DNAH17: variants seen among roughly 807,000 people sequenced by gnomAD.
DNAH17 encodes axonemal beta dynein heavy chain 17.
A neutral mutation model predicts 485.6 loss-of-function variants in DNAH17; 376 were observed. The ratio of observed to expected loss-of-function variants is 0.77; its 90% CI spans 0.71 to 0.84. The LOEUF is 0.84. Among genes scored for constraint, DNAH17 ranks in the 40% least tolerant of loss-of-function variants. DNAH17 has a pLI of 0.00. For missense variants in DNAH17, 6,370 were observed against 5,839.3 expected, an observed-to-expected ratio of 1.09 and a Z score of -2.96; for synonymous variants, 3,031 against 2,405.9, an observed-to-expected ratio of 1.26 and a Z score of -7.60.
At chr17:78,497,574 CTG>C (rs2090119834) in intron 37 of DNAH17, among the ~76,000 whole-genome samples, 1 of 152,260 alleles carries the variant, frequency 6.6e-6, no homozygotes. Flanking sequence ...AGCTCTGCTC[CTG>C]TGCTGGGGGC....
chr17:78,478,011 TCATCACCATCAC>T (rs1217301244), intron 51 of DNAH17, among the ~76,000 whole-genome samples: 3 of 84,102 alleles, frequency 3.6e-5, no homozygotes, highest in African/African-American at 1.9e-4. Context: ...ATCATCACCA[TCATCACCATCAC>T]CACCACCATC....
chr17:78,568,703 G>C (rs181406865), intron 9 of DNAH17, among the ~76,000 whole-genome samples: 1 of 152,044 alleles, frequency 6.6e-6, no homozygotes, highest in Non-Finnish European at 1.5e-5. Context: ...CTCCCTCCTC[G>C]GCCTGCCAGA....
At chr17:78,452,719 C>A (rs898515090) in intron 65 of DNAH17, among the ~76,000 whole-genome samples, 2 of 152,202 alleles carry the variant, frequency 1.3e-5, no homozygotes, top group African/African-American at 4.8e-5. Flanking sequence ...GCCTGGACGA[C>A]AGAGCGAGAC....
intron 27 of DNAH17, 57 bp downstream of exon 27, chr17:78,510,327 G>A: frequency 8.8e-6 from 14 of 1,590,494 alleles, no homozygotes; most frequent in Non-Finnish European, 1.2e-5. Flanking sequence ...AGTGGTTGGA[G>A]GGGGCAGTTT....
intron 55 of DNAH17, among the ~76,000 whole-genome samples, chr17:78,467,154 G>A (rs541081155): frequency 1.3e-5 from 2 of 152,356 alleles, no homozygotes; most frequent in Admixed American, 6.5e-5. Flanking sequence ...AAGCCCTTCG[G>A]TTCAGCAGGA....
chr17:78,485,928 C>T (rs766432589), intron 46 of DNAH17, 32 bp downstream of exon 46: 2 of 1,604,388 alleles, frequency 1.2e-6, no homozygotes, highest in African/African-American at 1.3e-5. Context: ...CTCTAAATCA[C>T]CAGTCGGTGG....
At chr17:78,439,354 C>A in intron 72 of DNAH17, 137 bp from the exon 73 acceptor site, 5 of 1,071,426 alleles carry the variant, frequency 4.7e-6, no homozygotes, top group Non-Finnish European at 5.2e-6. Context: ...ATAAAACTTG[C>A]TGTTTTAAAA....
rs535468799 is a variant in DNAH17 at position 78,568,796 on chromosome 17, T to C, written c.1284+370A>G. Among the ~76,000 whole-genome samples, 44 of 152,336 alleles carry C rather than the reference T, an allele frequency of 2.9e-4. 1 individual carries two copies. The highest frequency in any genetic ancestry group is 1.0e-3 in the African/African-American group (43 of 41,576). On this transcript the variant is annotated intron_variant, in intron 9 of 80. Coordinates refer to ENST00000389840, the MANE Select transcript of DNAH17 (RefSeq NM_173628.4). Reference sequence around the variant, plus strand: ...TATCTGCTGTGCGTCACTCCGTGTATCCACATGGTGCTTGCACGGGGGCCT... The same window carrying C: ...TATCTGCTGTGCGTCACTCCGTGTACCCACATGGTGCTTGCACGGGGGCCT...
intron 17 of DNAH17, among the ~76,000 whole-genome samples, chr17:78,540,309 A>C (rs897720195): frequency 7.6e-6 from 1 of 131,026 alleles, no homozygotes; most frequent in Non-Finnish European, 1.6e-5. Context: ...AGCACTCAGC[A>C]GTAGGCCTAG....
At chr17:78,575,194 T>C in intron 1 of DNAH17, 112 bp from the exon 2 acceptor site, 3 of 787,000 alleles carry the variant, frequency 3.8e-6, no homozygotes, top group Non-Finnish European at 4.0e-6. Flanking sequence ...AACAAAACAG[T>C]TGGTCGAGAG....
At position 78,428,835 on chromosome 17, in the gene DNAH17, C is replaced by T. The variant is rs1190483085; in HGVS notation, c.12406-128G>A. 3.2e-5 allele frequency: 39 copies of T among 1,215,032 alleles called. No individual in the cohort carries two copies. The Admixed American group carries it at 6.8e-4, about 21-fold the overall frequency. 75.3% of individuals were successfully genotyped at this position (1,215,032 alleles called of 1,614,324 possible). On this transcript the variant is annotated intron_variant, in intron 76 of 80. Transcript: ENST00000389840. ...CTGTCTGTACAGATCCCACTTGTTT[C>T]CCAGCCCCCTTTGTGGGCTGCCCCC...
intron 32 of DNAH17, 56 bp downstream of exon 32, chr17:78,502,830 A>T: frequency 6.3e-7 from 1 of 1,595,746 alleles, no homozygotes; most frequent in South Asian, 1.1e-5. Context: ...GAACGCAAAG[A>T]AACTCGCCCC....
chr17:78,426,919 T>G lies in DNAH17; in HGVS notation c.12771+7A>C. The G allele has an allele frequency of 6.3e-7, 1 of 1,597,962 alleles. No homozygotes were observed. Among genetic ancestry groups the G allele is most frequent in the Non-Finnish European group, 8.5e-7 (1 of 1,172,136 alleles). ...ACGTCCCTGGGGCCGGGCTGACCCATGTTTACCTTCAGCCCCAGGTTCAGC... is the reference window on the plus strand; with the variant it reads ...ACGTCCCTGGGGCCGGGCTGACCCAGGTTTACCTTCAGCCCCAGGTTCAGC... On this transcript the variant is annotated splice_region_variant and intron_variant, in intron 78 of 80. Coordinates refer to ENST00000389840, the MANE Select transcript of DNAH17 (RefSeq NM_173628.4).
chr17:78,557,247 C>T (rs1053520719), intron 14 of DNAH17, among the ~76,000 whole-genome samples: 1 of 152,136 alleles, frequency 6.6e-6, no homozygotes, highest in Non-Finnish European at 1.5e-5. Flanking sequence ...CCCACATTAA[C>T]AGAAGTAATG....
At chr17:78,428,924 T>TAAAA (rs11409298) in intron 76 of DNAH17, among the ~76,000 whole-genome samples, 197 bp downstream of exon 76, 153 of 103,260 alleles carry the variant, frequency 1.5e-3, no homozygotes, top group Non-Finnish European at 1.8e-3. Flanking sequence ...TTTCTTTCTT[T>TAAAA]AAAAAAAAAA....
rs1357949811 is a variant in DNAH17 at position 78,423,892 on chromosome 17, G to A, written c.*14C>T. 11 of 1,613,370 alleles carry A rather than the reference G, an allele frequency of 6.8e-6. No homozygotes were observed. The highest frequency in any genetic ancestry group is 8.5e-6 in the Non-Finnish European group (10 of 1,179,570). The stretch of plus-strand genomic sequence containing the variant: ...TCCAGCCCCAGGGAGTGTGGGCTGT[G>A]AGGCAGGAGCGAGCTAAACCTGTAG... On this transcript the variant is annotated 3_prime_UTR_variant, in exon 81 of 81. Coordinates refer to ENST00000389840, the MANE Select transcript of DNAH17 (RefSeq NM_173628.4).
intron 62 of DNAH17, among the ~76,000 whole-genome samples, chr17:78,457,887 C>T (rs1300178802): frequency 6.6e-6 from 1 of 152,194 alleles, no homozygotes. Flanking sequence ...TCTCGAACCC[C>T]TGTTCTCAGG....
chr17:78,436,778 G>A (rs956338782), intron 74 of DNAH17, among the ~76,000 whole-genome samples: 1 of 152,158 alleles, frequency 6.6e-6, no homozygotes, highest in African/African-American at 2.4e-5. Context: ...TCGGGAGGCA[G>A]AGGTTGCAGT....
intron 10 of DNAH17, 47 bp downstream of exon 10, chr17:78,566,952 G>A (rs755675639): frequency 1.3e-6 from 2 of 1,572,020 alleles, no homozygotes; most frequent in Admixed American, 3.7e-5. Context: ...CGAGGCTGGT[G>A]CTGTTCTCAC....
Sources: gnomAD v4.1 joint callset for allele counts (sites outside exome capture counted in the v4.1 genomes callset) on GRCh38, gnomAD v4.1.1 for gene constraint, MANE v1.5 for transcripts, NCBI Gene and HGNC (gene_info 2026-07-23, HGNC 2026-07-21) for gene names.